Variants in LAMP3 observed in about 807,000 individuals in gnomAD.
LAMP3 encodes lysosome associated membrane protein 3.
LAMP3 carries 26 observed loss-of-function variants against 34.8 expected under a neutral mutation model. The observed-to-expected ratio is 0.75, with a 90% CI of 0.55 to 1.04. LAMP3 has a LOEUF of 1.04. Among genes scored for constraint, LAMP3 ranks in the 50% least tolerant of loss-of-function variants. The pLI is 0.00. For missense variants in LAMP3, 495 were observed against 524.0 expected (o/e 0.94, Z 0.54); for synonymous variants, 180 against 201.9 (o/e 0.89, Z 0.92).
At chr3:183,161,238 C>T (rs1720966641) in intron 1 of LAMP3, among the ~76,000 whole-genome samples, 1 of 152,176 alleles carries the variant, frequency 6.6e-6, no homozygotes, top group African/African-American at 2.4e-5. Context: ...TTCCGTGCCA[C>T]CCCTCAAAGG....
chr3:183,160,001 C>G (rs1301261674), intron 1 of LAMP3, among the ~76,000 whole-genome samples: 3 of 152,180 alleles, frequency 2.0e-5, no homozygotes, highest in Non-Finnish European at 4.4e-5. Flanking sequence ...AGTCACATAC[C>G]TATATGTCGG....
intron 3 of LAMP3, among the ~76,000 whole-genome samples, chr3:183,144,894 G>A (rs537814): frequency 0.69 from 104,368 of 151,988 alleles, 36,225 homozygotes; most frequent in Non-Finnish European, 0.74. Context: ...GACAGAGGGA[G>A]GCCCTTTCTC....
intron 5 of LAMP3, chr3:183,132,369 T>A: frequency 1.0e-6 from 1 of 963,406 alleles, no homozygotes. Flanking sequence ...AATCATTTTG[T>A]AATCAACTTT....
In LAMP3 at chr3:183,122,997, C is replaced by T. The variant is rs1370454639; in HGVS notation, c.*1084G>A. 1 of 152,200 alleles carries T rather than the reference C, an allele frequency of 6.6e-6. No homozygotes were observed. The highest frequency in any genetic ancestry group is 2.4e-5 in the African/African-American group (1 of 41,442). 9.4% of individuals were successfully genotyped at this position (152,200 alleles called of 1,614,324 possible). A position where few individuals can be genotyped will look rare whatever the true frequency, so the allele number is the denominator to read the frequency against. On this transcript the variant is annotated 3_prime_UTR_variant, in exon 6 of 6. Transcript: ENST00000265598. ...TTCAGTTCCCTTAAGTCTCAGTTTA[C>T]TCATTCACCTATAAGTTGTGAGAAT...
rs776197146 is a variant in LAMP3, at chr3:183,162,627, G to A, written c.29C>T (p.Ala10Val). ...CTCACCGGCCAGGGACGCGAAGAGC[G>A]CGGCCGCCGCGCTGAGCTGCCGGGG... is the stretch of plus-strand genomic sequence containing the variant. MPRQLSAAA[A>V]LFASLAVILH... The change falls in exon 1 of 6, where the codon GCG (alanine) becomes GTG (valine). Residue 10 changes from alanine to valine, a missense_variant. By Grantham distance (64) the Ala-to-Val change is moderately conservative. Coordinates refer to ENST00000265598, the MANE Select transcript of LAMP3 (RefSeq NM_014398.4). The A allele has an allele frequency of 9.7e-6, 15 of 1,544,292 alleles. No homozygotes were observed. The highest frequency in any genetic ancestry group is 1.3e-5 in the Non-Finnish European group (15 of 1,145,772).
At chr3:183,132,455 C>T (rs780415019) in intron 5 of LAMP3, 81 of 982,832 alleles carry the variant, frequency 8.2e-5, no homozygotes, top group Non-Finnish European at 9.2e-5. Flanking sequence ...TAAGAAAAAT[C>T]AGTCAATTTG....
At chr3:183,135,918 T>C in intron 4 of LAMP3, 31 bp from the exon 5 acceptor site, 1 of 1,560,084 alleles carries the variant, frequency 6.4e-7, no homozygotes, top group Non-Finnish European at 8.8e-7. Flanking sequence ...TGCATAAGAG[T>C]CCTGAGATGT....
rs1362874436 is a variant in LAMP3, at chr3:183,154,038, G to A, written c.403C>T (p.Pro135Ser). ...TGAGCTGGTGGGGTGATGGTGGGTG[G>A]CAGTGAATAAGGGGCTAAGCTAGGG... ...VGPSLAPYSL[P>S]PTITPPAHTT... Residue 135 changes from proline (P) to serine (S), a missense_variant, in exon 2 of 6, where the codon CCA (proline) becomes TCA (serine). Physicochemically the swap from Pro to Ser is moderately conservative, Grantham distance 74. Coordinates refer to ENST00000265598, the MANE Select transcript of LAMP3 (RefSeq NM_014398.4). The A allele has an allele frequency of 1.2e-6, 2 of 1,614,152 alleles. No individual in the cohort carries two copies. The highest frequency in any genetic ancestry group is 2.2e-5 in the South Asian group (2 of 91,080).
intron 3 of LAMP3, among the ~76,000 whole-genome samples, chr3:183,151,042 G>A (rs988617799): frequency 2.6e-5 from 4 of 152,080 alleles, no homozygotes; most frequent in African/African-American, 9.7e-5. Flanking sequence ...TTGTGATCAA[G>A]TTAATAATGA....
intron 3 of LAMP3, among the ~76,000 whole-genome samples, chr3:183,145,638 C>CTT (rs755830878): frequency 6.6e-6 from 1 of 152,130 alleles, no homozygotes; most frequent in African/African-American, 2.4e-5. Context: ...GGCGGATCAG[C>CTT]TGAGGTCAGG....
intron 3 of LAMP3, among the ~76,000 whole-genome samples, chr3:183,143,665 G>A (rs1363426949): frequency 1.3e-5 from 2 of 151,926 alleles, no homozygotes; most frequent in Admixed American, 1.3e-4. Flanking sequence ...AGACAGACAT[G>A]GCTTCTGTTC....
chr3:183,136,675 T>C (rs1355984608), intron 4 of LAMP3, among the ~76,000 whole-genome samples: 21 of 49,660 alleles, frequency 4.2e-4, no homozygotes, highest in Non-Finnish European at 7.4e-4. Flanking sequence ...AAAAAACAAC[T>C]CATTAGGAGG....
chr3:183,140,124 C>T (rs953022152), intron 4 of LAMP3, among the ~76,000 whole-genome samples: 2 of 152,058 alleles, frequency 1.3e-5, no homozygotes, highest in African/African-American at 2.4e-5. Context: ...GAAGCAGCAT[C>T]GGCCGGGTGC....
At position 183,154,100 on chromosome 3, in the gene LAMP3, G is replaced by C; in HGVS notation, c.341C>G (p.Ser114Ter). Residue 114 changes from serine (S) to a stop codon, truncating the protein, a stop_gained, in exon 2 of 6, where the codon TCA becomes TGA. Transcript: ENST00000265598. LOFTEE classifies it high-confidence loss of function. ...LVTTQATPNN[S>*]HTAPPVTEVT... Reference sequence around the variant, plus strand: ...TTCAGTAACTGGAGGAGCTGTGTGTGAGTTGTTGGGTGTGGCCTGGGTTGT... The same window carrying C: ...TTCAGTAACTGGAGGAGCTGTGTGTCAGTTGTTGGGTGTGGCCTGGGTTGT... The C allele has an allele frequency of 6.2e-7, 1 of 1,614,200 alleles. No homozygotes were observed. Among genetic ancestry groups the C allele is most frequent in the Non-Finnish European group, 8.5e-7 (1 of 1,180,032 alleles).
At chr3:183,132,484 TTCTCCC>T (rs1719955006) in intron 5 of LAMP3, 1 of 984,466 alleles carries the variant, frequency 1.0e-6, no homozygotes, top group Non-Finnish European at 1.2e-6. Flanking sequence ...TTCCCCACAA[TTCTCCC>T]TCCGGGTTTT....
chr3:183,156,025 G>A (rs1026956093), intron 1 of LAMP3, among the ~76,000 whole-genome samples: 3 of 152,138 alleles, frequency 2.0e-5, no homozygotes, highest in Non-Finnish European at 4.4e-5. Flanking sequence ...GTCTATCCTT[G>A]CCTCCTTCCA....
At chr3:183,160,625 T>C (rs1219696928) in intron 1 of LAMP3, among the ~76,000 whole-genome samples, 1 of 151,890 alleles carries the variant, frequency 6.6e-6, no homozygotes, top group African/African-American at 2.4e-5. Context: ...AGTACCGCCA[T>C]CTGTAAAATA....
At chr3:183,133,135 G>A (rs1048977015) in intron 5 of LAMP3, among the ~76,000 whole-genome samples, 2 of 152,212 alleles carry the variant, frequency 1.3e-5, no homozygotes, top group Middle Eastern at 3.2e-3. Flanking sequence ...GATCTGACAC[G>A]TGTAGCACTG....
intron 5 of LAMP3, among the ~76,000 whole-genome samples, chr3:183,134,828 T>C (rs1431194111): frequency 6.6e-6 from 1 of 152,244 alleles, no homozygotes; most frequent in African/African-American, 2.4e-5. Context: ...TAGCTAAATC[T>C]ATTTTTGATA....
Sources: gnomAD v4.1 joint callset for allele counts (sites outside exome capture counted in the v4.1 genomes callset) on GRCh38, gnomAD v4.1.1 for gene constraint, MANE v1.5 for transcripts, NCBI Gene and HGNC (gene_info 2026-07-23, HGNC 2026-07-21) for gene names.